ACKR5: variants seen among roughly 807,000 people sequenced by gnomAD.
ACKR5 encodes the protein atypical chemokine receptor 5.
chr12:56,998,561 C>T, the ACKR5 span: 1 of 152,258 alleles, frequency 6.6e-6, no homozygotes, highest in Non-Finnish European at 1.5e-5. Context: ...GTTAGTCCAA[C>T]TAGACACGGG....
At chr12:56,996,130 C>A in the ACKR5 span, 1 of 1,613,982 alleles carries the variant, frequency 6.2e-7, no homozygotes. Context: ...TCATTGACTG[C>A]TTCTCCATGC....
the ACKR5 span, chr12:56,995,558 T>G: frequency 1.9e-6 from 3 of 1,614,064 alleles, no homozygotes; most frequent in Non-Finnish European, 2.5e-6. This position sits in a 1 kb window ranked among gnomAD's most constrained non-coding sequence, Gnocchi z 4.7. Flanking sequence ...CACGCTGGAC[T>G]ACACCTGGCT....
the ACKR5 span, chr12:56,995,046 T>G: frequency 1.5e-6 from 1 of 649,258 alleles, no homozygotes; most frequent in Non-Finnish European, 2.7e-6. This position sits in a 1 kb window ranked among gnomAD's most constrained non-coding sequence, Gnocchi z 4.7. Flanking sequence ...TGTGTATTAT[T>G]TATTCACAGT....
chr12:56,996,769 G>A, the ACKR5 span: 1 of 233,722 alleles, frequency 4.3e-6, no homozygotes, highest in Non-Finnish European at 8.3e-6. Context: ...GAGGAAACTA[G>A]ACACATTCAT....
At chr12:56,998,000 C>A in the ACKR5 span, 1 of 152,198 alleles carries the variant, frequency 6.6e-6, no homozygotes, top group Non-Finnish European at 1.5e-5. Context: ...AACCAGGAGT[C>A]TGGGTTGTGG....
the ACKR5 span, chr12:56,995,342 G>A: frequency 1.2e-5 from 20 of 1,614,090 alleles, no homozygotes; most frequent in East Asian, 2.2e-5. The surrounding 1 kb of genome is among the most constrained non-coding windows in gnomAD (Gnocchi z 4.7). Context: ...TGAGTGCCAC[G>A]TGGAGCTCAG....
the ACKR5 span, chr12:56,998,876 T>A: frequency 6.5e-6 from 1 of 152,680 alleles, no homozygotes; most frequent in African/African-American, 2.4e-5. Flanking sequence ...AACCACACTT[T>A]GTGCTGAACA....
At chr12:56,995,438 G>A in the ACKR5 span, 41 of 1,614,070 alleles carry the variant, frequency 2.5e-5, no homozygotes, top group East Asian at 1.1e-4. This position sits in a 1 kb window ranked among gnomAD's most constrained non-coding sequence, Gnocchi z 4.7. Flanking sequence ...GGTGATATGC[G>A]TCAACTGGCG....
chr12:56,996,505 G>A, the ACKR5 span: 1 of 1,323,098 alleles, frequency 7.6e-7, no homozygotes, highest in Non-Finnish European at 1.0e-6. Flanking sequence ...GATGTAGAGG[G>A]GAGGGTCAAA....
At chr12:56,995,931 C>A in the ACKR5 span, 4 of 1,613,044 alleles carry the variant, frequency 2.5e-6, no homozygotes, top group East Asian at 4.5e-5. This position sits in a 1 kb window ranked among gnomAD's most constrained non-coding sequence, Gnocchi z 4.7. Context: ...AATGTGCTGA[C>A]AGCCTGCCGG....
the ACKR5 span, chr12:56,996,212 G>A: frequency 9.9e-6 from 16 of 1,613,954 alleles, no homozygotes; most frequent in African/African-American, 1.9e-4. Context: ...CCTGAATGCT[G>A]TAGTCCATTA....
At chr12:56,995,500 C>T in the ACKR5 span, 5 of 1,614,120 alleles carry the variant, frequency 3.1e-6, no homozygotes, top group Non-Finnish European at 3.4e-6. The surrounding 1 kb of genome is among the most constrained non-coding windows in gnomAD (Gnocchi z 4.7). Context: ...ACATGGCCAT[C>T]GCGGACCTGG....
At chr12:56,997,037 T>C in the ACKR5 span, 1 of 152,238 alleles carries the variant, frequency 6.6e-6, no homozygotes. Flanking sequence ...TGCAGCTGGG[T>C]CAGCAGGATG....
At chr12:56,998,387 G>C in the ACKR5 span, 1 of 152,296 alleles carries the variant, frequency 6.6e-6, no homozygotes, top group Admixed American at 6.5e-5. Context: ...CTTGAGGTCT[G>C]TCTCCTCTGT....
chr12:56,996,286 T>G, the ACKR5 span: 1 of 1,614,200 alleles, frequency 6.2e-7, no homozygotes, highest in African/African-American at 1.3e-5. Flanking sequence ...CCACCCAGCA[T>G]TCCATCATCA....
chr12:56,995,767 G>A, the ACKR5 span: 1 of 1,614,056 alleles, frequency 6.2e-7, no homozygotes, highest in Non-Finnish European at 8.5e-7. This position sits in a 1 kb window ranked among gnomAD's most constrained non-coding sequence, Gnocchi z 4.7. Flanking sequence ...TCATCCCGCT[G>A]CCTGAGGTGG....
At chr12:56,995,097 CT>C in the ACKR5 span, 7 of 910,696 alleles carry the variant, frequency 7.7e-6, 1 homozygote, top group East Asian at 9.7e-5. This position sits in a 1 kb window ranked among gnomAD's most constrained non-coding sequence, Gnocchi z 4.7. Flanking sequence ...GCCCCAGAAT[CT>C]TTCCCCAAAG....
At chr12:56,996,243 A>C in the ACKR5 span, 1 of 1,614,156 alleles carries the variant, frequency 6.2e-7, no homozygotes, top group Non-Finnish European at 8.5e-7. Context: ...GACCAGACCA[A>C]GGCGGGCACA....
chr12:56,996,979 T>A, the ACKR5 span: 1 of 152,784 alleles, frequency 6.5e-6, no homozygotes, highest in Non-Finnish European at 1.5e-5. Context: ...TGAAGGCGGA[T>A]GGGGATGGCA....
Sources: gnomAD v4.1 joint callset for allele counts on GRCh38, gnomAD v4.1.1 for gene constraint, Gnocchi (gnomAD v3.1) non-coding constraint, MANE v1.5 for transcripts, NCBI Gene and HGNC (gene_info 2026-07-23, HGNC 2026-07-21) for gene names.